The following APEH variants were observed in gnomAD, a reference collection of about 807,000 sequenced individuals.
APEH encodes the protein acylamino-acid-releasing enzyme.
Under a neutral mutation model 102.7 loss-of-function variants are expected in APEH, and 75 were observed. That is an observed-to-expected ratio of 0.73 (90% CI 0.61 to 0.89). The LOEUF (loss-of-function observed/expected upper bound fraction) is 0.89. Among genes scored for constraint, APEH ranks in the 40% least tolerant of loss-of-function variants. APEH has a pLI of 0.00. For missense variants in APEH, 863 were observed against 941.2 expected (o/e 0.92, Z 1.09); for synonymous variants, 344 against 362.7 (o/e 0.95, Z 0.59).
Position 49,683,948 on chromosome 3 carries a change from A to G in APEH, c.*606A>G. The G allele has an allele frequency of 7.7e-6, 12 of 1,555,420 alleles. No individual in the cohort carries two copies. The highest frequency in any genetic ancestry group is 1.0e-5 in the Non-Finnish European group (12 of 1,150,932). Reference sequence around the variant, plus strand: ...GAAGCAAAGGCTAAGAAGCATCTGTACAGGCATAAAGAGGAAACATGGCTT... The same window carrying G: ...GAAGCAAAGGCTAAGAAGCATCTGTGCAGGCATAAAGAGGAAACATGGCTT... On this transcript the variant is annotated 3_prime_UTR_variant, in exon 22 of 22. Transcript: ENST00000296456.
At chr3:49,682,998 G>T in intron 20 of APEH, 42 bp from the exon 21 acceptor site, 1 of 1,611,208 alleles carries the variant, frequency 6.2e-7, no homozygotes, top group Non-Finnish European at 8.5e-7. Flanking sequence ...AGAATCCAGG[G>T]CCCAGCTCAA....
chr3:49,680,968 G>T, intron 14 of APEH, 133 bp from the exon 15 acceptor site: 1 of 1,191,342 alleles, frequency 8.4e-7, no homozygotes, highest in Non-Finnish European at 1.2e-6. Context: ...CCCACAACAG[G>T]AAGCCATGCT....
chr3:49,678,246 GA>G (rs2108121766), intron 11 of APEH, among the ~76,000 whole-genome samples: 1 of 152,250 alleles, frequency 6.6e-6, no homozygotes, highest in African/African-American at 2.4e-5. Flanking sequence ...GTGGACAAGG[GA>G]TAGCCTCTTT....
rs149884854 is a variant in APEH at position 49,679,705 on chromosome 3, C to T, written c.1210+61C>T. ...GCTGGTGAGCAAGCCAACCAGGCAG[C>T]GGGGGACTGGAGCTCCAACATGTGG... is the stretch of plus-strand genomic sequence containing the variant. On this transcript the variant is annotated intron_variant, in intron 13 of 21. Transcript: ENST00000296456. The surrounding 1 kb of genome is among the most constrained non-coding windows in gnomAD (Gnocchi z 4.3). The T allele has an allele frequency of 5.5e-4, 850 of 1,535,986 alleles. 4 individuals carry two copies. In the African/African-American group the frequency reaches 9.4e-3, roughly 17 times the overall value.
intron 11 of APEH, among the ~76,000 whole-genome samples, chr3:49,678,058 C>T (rs1339957503): frequency 6.6e-6 from 1 of 152,180 alleles, no homozygotes. Context: ...ATCCACCATC[C>T]TAACCCCAGC....
At position 49,679,833 on chromosome 3, in the gene APEH, C is replaced by T; in HGVS notation, c.1210+189C>T. ...TCTGTGCAGACCCTTACCCAACCAACAGACTAGCTTCCCTGCTCTACTGCC... is the reference window on the plus strand; with the variant it reads ...TCTGTGCAGACCCTTACCCAACCAATAGACTAGCTTCCCTGCTCTACTGCC... On this transcript the variant is annotated intron_variant, in intron 13 of 21. Transcript: ENST00000296456. This position sits in a 1 kb window ranked among gnomAD's most constrained non-coding sequence, Gnocchi z 4.3. The T allele has an allele frequency of 3.4e-6, 2 of 583,898 alleles. No homozygotes were observed. Among genetic ancestry groups the T allele is most frequent in the Non-Finnish European group, 6.2e-6 (2 of 323,394 alleles). The allele number at this position is 583,898 out of a possible 1,614,324, so 36.2% of individuals were successfully genotyped here. A position where few individuals can be genotyped will look rare whatever the true frequency, so the allele number is the denominator to read the frequency against.
At chr3:49,677,779 C>CAGGGAGCGGGGCTGTCACCAT (rs575390259) in intron 11 of APEH, 146 bp downstream of exon 11, 6 of 799,878 alleles carry the variant, frequency 7.5e-6, no homozygotes, top group East Asian at 5.1e-5. Flanking sequence ...CCAGCATCCT[C>CAGGGAGCGGGGCTGTCACCAT]AGGGAGCGGG....
At chr3:49,675,847 G>T in intron 4 of APEH, 44 bp from the exon 5 acceptor site, 1 of 1,612,878 alleles carries the variant, frequency 6.2e-7, no homozygotes. Flanking sequence ...CCACAGATAA[G>T]GCTCTGTTAG....
chr3:49,675,564 G>C (rs2052992741), intron 3 of APEH, 130 bp from the exon 4 acceptor site: 1 of 1,030,394 alleles, frequency 9.7e-7, no homozygotes, highest in South Asian at 1.5e-5. Flanking sequence ...AGGCAAGGTG[G>C]GGCTAGAGGT....
In APEH at chr3:49,680,576, G is replaced by A; in HGVS notation, c.1246G>A (p.Asp416Asn). 6.2e-7 allele frequency: 1 copy of A among 1,614,060 alleles called. No homozygotes were observed. Among genetic ancestry groups the A allele is most frequent in the Non-Finnish European group, 8.5e-7 (1 of 1,180,018 alleles). ...SGGSWKLLTI[D>N]QDLMVAQFST... Reference sequence around the variant, plus strand: ...TGGGAGCTGGAAGTTGCTCACAATTGACCAGGACCTCATGGTGGCACAGTT... The same window carrying A: ...TGGGAGCTGGAAGTTGCTCACAATTAACCAGGACCTCATGGTGGCACAGTT... The change falls in exon 14 of 22, where the codon GAC becomes AAC. Residue 416 changes from aspartate (D) to asparagine (N), a missense_variant. Asp to Asn is a conservative substitution (Grantham distance 23). Coordinates refer to ENST00000296456, the MANE Select transcript of APEH (RefSeq NM_001640.4).
At position 49,676,831 on chromosome 3, in the gene APEH, G is replaced by T; in HGVS notation, c.877+14G>T. 6.2e-7 allele frequency: 1 copy of T among 1,614,256 alleles called. No homozygotes were observed. Among genetic ancestry groups the T allele is most frequent in the Non-Finnish European group, 8.5e-7 (1 of 1,180,042 alleles). ...GGGGGAAGTGTGGTAAGTGGCTGAT[G>T]CCCACCTGTGCTTTGCTGACACATG... On this transcript the variant is annotated intron_variant, in intron 9 of 21. Transcript: ENST00000296456.
rs569660184 is a variant in APEH at position 49,677,807 on chromosome 3, C to T, written c.1060+174C>T. 1.4e-3 allele frequency among the ~76,000 whole-genome samples: 208 copies of T among 152,240 alleles called. 1 individual carries two copies. The highest frequency in any genetic ancestry group is 4.4e-3 in the African/African-American group (183 of 41,536). On this transcript the variant is annotated intron_variant, in intron 11 of 21. Coordinates refer to ENST00000296456, the MANE Select transcript of APEH (RefSeq NM_001640.4). Reference sequence around the variant, plus strand: ...GGAGCGGGGCTGTCACCATAGGGAGCGGGGCTGTCACCGTAGGGAACAGTT... The same window carrying T: ...GGAGCGGGGCTGTCACCATAGGGAGTGGGGCTGTCACCGTAGGGAACAGTT...
Position 49,675,286 on chromosome 3 carries a change from C to T in APEH, c.249C>T (p.Gly83=), listed in dbSNP as rs2052975679. The stretch of plus-strand genomic sequence containing the variant: ...CAGTGGTGTTTGCAGGACCTGCAGG[C>T]AACAGTGTGGAGACCCGGGGGGAGT... The part of the protein sequence containing the change: ...GDSVVFAGPA[G]NSVETRGELL... The change falls in exon 3 of 22, where the codon GGC becomes GGT. Residue 83 remains glycine, a synonymous_variant. Coordinates refer to ENST00000296456, the MANE Select transcript of APEH (RefSeq NM_001640.4). 1.2e-6 allele frequency: 2 copies of T among 1,613,850 alleles called. No homozygotes were observed. The highest frequency in any genetic ancestry group is 2.2e-5 in the South Asian group (2 of 91,072).
At chr3:49,680,434 A>G (rs1415050862) in intron 13 of APEH, 107 bp from the exon 14 acceptor site, 1 of 1,027,396 alleles carries the variant, frequency 9.7e-7, no homozygotes, top group African/African-American at 1.6e-5. Context: ...CTCGGGGAGA[A>G]AAGGGCACCT....
rs761871519 is a variant in APEH, at chr3:49,675,253, C to G, written c.216C>G (p.Asp72Glu). The G allele has an allele frequency of 6.2e-7, 1 of 1,614,014 alleles. No homozygotes were observed. Among genetic ancestry groups the G allele is most frequent in the Non-Finnish European group, 8.5e-7 (1 of 1,179,972 alleles). ...RFCRQYLVFH[D>E]GDSVVFAGPA... ...GCCGCCAATACCTGGTGTTCCATGA[C>G]GGGGACTCAGTGGTGTTTGCAGGAC... The change falls in exon 3 of 22, where the codon GAC becomes GAG. Residue 72 changes from aspartate (D) to glutamate (E), a missense_variant. By Grantham distance (45) the Asp-to-Glu change is conservative. Transcript: ENST00000296456.
At chr3:49,675,814 G>C in intron 4 of APEH, 27 bp downstream of exon 4, 1 of 1,612,906 alleles carries the variant, frequency 6.2e-7, no homozygotes, top group Non-Finnish European at 8.5e-7. Context: ...CCAGGTAGTG[G>C]GTGACAAGAG....
chr3:49,680,270 G>C, intron 13 of APEH: 1 of 434,320 alleles, frequency 2.3e-6, no homozygotes, highest in South Asian at 2.1e-5. Flanking sequence ...GCACACAGCA[G>C]CCATCGAGGG....
Position 49,683,388 on chromosome 3 carries a change from C to T in APEH, c.*46C>T. On this transcript the variant is annotated 3_prime_UTR_variant, in exon 22 of 22. Transcript: ENST00000296456. ...GCTGATCAGCCTGTGCCACACTTCG[C>T]TCTTGAGGAGCTCAACGGTCTGGCA... 6.5e-7 allele frequency: 1 copy of T among 1,531,030 alleles called. No individual in the cohort carries two copies. Among genetic ancestry groups the T allele is most frequent in the Non-Finnish European group, 9.0e-7 (1 of 1,105,404 alleles). The allele number at this position is 1,531,030 out of a possible 1,614,324, so 94.8% of individuals were successfully genotyped here.
chr3:49,681,069 G>A lies in APEH; in HGVS notation c.1300-32G>A, dbSNP rs749553449. The A allele has an allele frequency of 2.0e-6, 3 of 1,533,226 alleles. No individual in the cohort carries two copies. The African/African-American group carries it at 4.1e-5, about 21-fold the overall frequency. The allele number at this position is 1,533,226 out of a possible 1,614,324, so 95.0% of individuals were successfully genotyped here. ...AAGGGAAGGGCAGGGAGGCAGCCAG[G>A]CCACCTATGACACATTCTTTCCCCT... On this transcript the variant is annotated intron_variant, in intron 14 of 21. Coordinates refer to ENST00000296456, the MANE Select transcript of APEH (RefSeq NM_001640.4).
Sources: gnomAD v4.1 joint callset for allele counts (sites outside exome capture counted in the v4.1 genomes callset) on GRCh38, gnomAD v4.1.1 for gene constraint, Gnocchi (gnomAD v3.1) non-coding constraint, MANE v1.5 for transcripts, NCBI Gene and HGNC (gene_info 2026-07-23, HGNC 2026-07-21) for gene names.